VMP1: variants seen among roughly 807,000 people sequenced by gnomAD.
The protein encoded by VMP1 is vacuole membrane protein 1, also known as ectopic P-granules autophagy protein 3 homolog.
A neutral mutation model predicts 56.0 loss-of-function variants in VMP1; 11 were observed. The ratio of observed to expected loss-of-function variants is 0.20; its 90% CI spans 0.12 to 0.32. The LOEUF is 0.32. Ranked by LOEUF, VMP1 falls within the 10% of genes least tolerant of loss-of-function variation. The pLI, the probability that VMP1 is intolerant of heterozygous loss-of-function variation, is 1.00. For synonymous variants in VMP1, 149 were observed against 165.0 expected, an observed-to-expected ratio of 0.90 and a Z score of 0.74; for missense variants, 296 against 490.3, an observed-to-expected ratio of 0.60 and a Z score of 3.74.
chr17:59,776,492 A>G (rs572098593), intron 7 of VMP1, among the ~76,000 whole-genome samples: 1 of 152,350 alleles, frequency 6.6e-6, no homozygotes, highest in Admixed American at 6.5e-5. Context: ...TTAACATTTT[A>G]AAAATCCAGT....
At position 59,788,579 on chromosome 17, in the gene VMP1, G is replaced by A. The variant is rs2482457; in HGVS notation, c.714+14694G>A. Among the ~76,000 whole-genome samples, 146 of 152,058 alleles carry A rather than the reference G, an allele frequency of 9.6e-4. 1 individual carries two copies. The highest frequency in any genetic ancestry group is 1.7e-3 in the Non-Finnish European group (115 of 67,972). On this transcript the variant is annotated intron_variant, in intron 7 of 11. Coordinates refer to ENST00000262291, the MANE Select transcript of VMP1 (RefSeq NM_030938.5). ...AGCACTTTGGGAGGCCGAGGTGAGC[G>A]GATCACCTGAGGTCGGAAGTTCCAG...
intron 1 of VMP1, among the ~76,000 whole-genome samples, chr17:59,713,472 C>T (rs1369677760): frequency 6.6e-6 from 1 of 151,874 alleles, no homozygotes; most frequent in African/African-American, 2.4e-5. Flanking sequence ...ACCAGAAATA[C>T]AAATACGGGA....
intron 7 of VMP1, among the ~76,000 whole-genome samples, chr17:59,795,046 G>A (rs1467728908): frequency 7.3e-6 from 1 of 137,146 alleles, no homozygotes; most frequent in African/African-American, 2.8e-5. Flanking sequence ...CGCTCAAGCT[G>A]GAATGTAATG....
chr17:59,737,389 T>G, intron 3 of VMP1, 64 bp from the exon 4 acceptor site: 1 of 1,515,262 alleles, frequency 6.6e-7, no homozygotes, highest in Non-Finnish European at 9.0e-7. Context: ...AAGAAATTGT[T>G]CTGAGAATGA....
chr17:59,768,153 G>A (rs2036296712), intron 6 of VMP1, among the ~76,000 whole-genome samples: 1 of 152,048 alleles, frequency 6.6e-6, no homozygotes, highest in Non-Finnish European at 1.5e-5. Context: ...TTTCCATGTA[G>A]TATAGGAATG....
intron 10 of VMP1, among the ~76,000 whole-genome samples, chr17:59,830,419 T>C (rs962054868): frequency 6.6e-6 from 1 of 152,192 alleles, no homozygotes; most frequent in African/African-American, 2.4e-5. Context: ...TTTTTTTTCA[T>C]TTATAAGCTT....
chr17:59,744,188 C>T (rs1030858525), intron 5 of VMP1, among the ~76,000 whole-genome samples: 4 of 151,478 alleles, frequency 2.6e-5, no homozygotes, highest in Admixed American at 6.6e-5. Flanking sequence ...TGACCAGGCG[C>T]GGTGGCTCAT....
In VMP1 at chr17:59,808,196, C is replaced by T. The variant is rs545605646; in HGVS notation, c.715-600C>T. Among the ~76,000 whole-genome samples the T allele has an allele frequency of 8.5e-5, 13 of 152,294 alleles. No individual in the cohort carries two copies. In the Middle Eastern group the frequency reaches 0.01, roughly 120 times the overall value. On this transcript the variant is annotated intron_variant, in intron 7 of 11. Transcript: ENST00000262291. ...CTGACATTATGATCTTGATCACTTA[C>T]CCTTTCTGGGCTGCAGTTTTGTGGT...
At chr17:59,718,588 C>T (rs1482969101) in intron 1 of VMP1, among the ~76,000 whole-genome samples, 1 of 152,110 alleles carries the variant, frequency 6.6e-6, no homozygotes, top group East Asian at 1.9e-4. Flanking sequence ...ACTGCAACCT[C>T]AAGCTCCTGG....
intron 5 of VMP1, among the ~76,000 whole-genome samples, chr17:59,749,723 C>G (rs1395974120): frequency 6.6e-6 from 1 of 151,984 alleles, no homozygotes; most frequent in Non-Finnish European, 1.5e-5. Flanking sequence ...GTTGGCCAGG[C>G]TGGTCTCGAA....
chr17:59,782,217 C>T (rs1256724512), intron 7 of VMP1, among the ~76,000 whole-genome samples: 2 of 152,036 alleles, frequency 1.3e-5, no homozygotes, highest in African/African-American at 4.8e-5. Context: ...CCTGTATTTT[C>T]TTTTAGTACT....
At chr17:59,723,539 A>G (rs971257937) in intron 1 of VMP1, among the ~76,000 whole-genome samples, 2 of 152,194 alleles carry the variant, frequency 1.3e-5, no homozygotes, top group African/African-American at 4.8e-5. Context: ...AAAGCAATTT[A>G]TTTTTATTTG....
intron 5 of VMP1, among the ~76,000 whole-genome samples, chr17:59,745,321 C>T (rs1287964834): frequency 1.3e-5 from 2 of 152,134 alleles, no homozygotes; most frequent in African/African-American, 2.4e-5. Flanking sequence ...TCACTTAGGC[C>T]TCCCAAGAGC....
intron 7 of VMP1, among the ~76,000 whole-genome samples, chr17:59,795,590 A>G (rs1006007428): frequency 6.6e-6 from 1 of 151,844 alleles, no homozygotes; most frequent in African/African-American, 2.4e-5. Flanking sequence ...CCAAAGGATC[A>G]GCTGAGCTCA....
chr17:59,794,045 C>T (rs1240237025), intron 7 of VMP1, among the ~76,000 whole-genome samples: 2 of 151,322 alleles, frequency 1.3e-5, no homozygotes, highest in Non-Finnish European at 2.9e-5. Context: ...CCCAGCCTCC[C>T]GAGTAGCTGG....
At chr17:59,798,972 C>T (rs1357543720) in intron 7 of VMP1, among the ~76,000 whole-genome samples, 4 of 152,110 alleles carry the variant, frequency 2.6e-5, no homozygotes, top group Admixed American at 2.0e-4. Flanking sequence ...TGAAACTGCC[C>T]TAGATAATAT....
chr17:59,799,947 A>C (rs1453004090), intron 7 of VMP1, among the ~76,000 whole-genome samples: 6 of 3,974 alleles, frequency 1.5e-3, no homozygotes, highest in African/African-American at 7.4e-3. Context: ...CTTCCTCTCA[A>C]AAAAAAAAAA....
intron 10 of VMP1, among the ~76,000 whole-genome samples, chr17:59,821,352 TTAAAGA>T (rs2038443362): frequency 6.6e-6 from 1 of 152,136 alleles, no homozygotes; most frequent in Non-Finnish European, 1.5e-5. Context: ...TCCTTTACTC[TTAAAGA>T]TAAGATGGTT....
chr17:59,753,250 C>T (rs1455936594), intron 5 of VMP1, among the ~76,000 whole-genome samples: 4 of 150,784 alleles, frequency 2.7e-5, no homozygotes, highest in South Asian at 2.1e-4. Flanking sequence ...CTAGCCTGGG[C>T]GACAGAATGA....
Sources: allele counts gnomAD v4.1 joint callset (sites outside exome capture counted in the v4.1 genomes callset), GRCh38; gene constraint gnomAD v4.1.1; transcripts MANE v1.5; gene names NCBI Gene and HGNC (gene_info 2026-07-23, HGNC 2026-07-21).